The following SIDT1 variants were observed in gnomAD, a reference collection of about 807,000 sequenced individuals.
The protein encoded by SIDT1 is SID1 transmembrane family member 1.
In SIDT1, 101 loss-of-function variants were observed where a neutral mutation model predicts 107.5. The ratio of observed to expected loss-of-function variants is 0.94; its 90% CI spans 0.80 to 1.11. The LOEUF (loss-of-function observed/expected upper bound fraction) is 1.11, where lower values mean the gene tolerates loss of function less well. Among genes scored for constraint, SIDT1 ranks in the 50% least tolerant of loss-of-function variants. The probability of loss-of-function intolerance (pLI) is 0.00; values close to 1 mark genes in which losing one functional copy is unlikely to be tolerated. For missense variants in SIDT1, 1,076 were observed against 1,058.2 expected (o/e 1.02, Z -0.23); for synonymous variants, 395 against 398.2 (o/e 0.99, Z 0.10).
chr3:113,566,004 C>T (rs560711923), intron 1 of SIDT1, among the ~76,000 whole-genome samples: 10 of 152,228 alleles, frequency 6.6e-5, no homozygotes, highest in South Asian at 4.1e-4. Context: ...AAAGCACATC[C>T]GTATCCTTCT....
chr3:113,588,438 G>T (rs968325767), intron 9 of SIDT1, among the ~76,000 whole-genome samples: 1 of 152,210 alleles, frequency 6.6e-6, no homozygotes, highest in African/African-American at 2.4e-5. Flanking sequence ...CCAGTTACTT[G>T]ATGAGTCCCT....
chr3:113,552,131 C>T (rs1342770576), intron 1 of SIDT1, among the ~76,000 whole-genome samples: 2 of 152,052 alleles, frequency 1.3e-5, no homozygotes, highest in African/African-American at 4.8e-5. Flanking sequence ...ATGTTATGGG[C>T]CAAAAAGTTA....
intron 9 of SIDT1, among the ~76,000 whole-genome samples, chr3:113,587,429 A>T (rs1365046185): frequency 2.0e-5 from 3 of 149,610 alleles, no homozygotes; most frequent in African/African-American, 7.7e-5. Flanking sequence ...AGTATACATT[A>T]ACTGATTAGC....
At chr3:113,564,441 A>G (rs964725717) in intron 1 of SIDT1, among the ~76,000 whole-genome samples, 2 of 152,244 alleles carry the variant, frequency 1.3e-5, no homozygotes, top group African/African-American at 2.4e-5. Context: ...ATGAGGAATG[A>G]CAGATGAAAC....
rs149381478 is a variant in SIDT1 at position 113,594,328 on chromosome 3, T to C, written c.1045+1280T>C. Among the ~76,000 whole-genome samples, 500 of 152,340 alleles carry C rather than the reference T, an allele frequency of 3.3e-3. 2 individuals are homozygous for C. The highest frequency in any genetic ancestry group is 0.011 in the African/African-American group (469 of 41,568). On this transcript the variant is annotated intron_variant, in intron 10 of 24. Transcript: ENST00000264852. ...GCTCTCGTGGCTTTAAAGTGCTAAA[T>C]GCTCCTCTCCCTTTTAGTCGTCAGA...
intron 21 of SIDT1, among the ~76,000 whole-genome samples, chr3:113,620,466 A>G (rs1946393774): frequency 6.6e-6 from 1 of 151,890 alleles, no homozygotes; most frequent in Non-Finnish European, 1.5e-5. Context: ...TGTAGCTCCT[A>G]GATGATGAGC....
At chr3:113,563,235 T>C (rs1258884334) in intron 1 of SIDT1, among the ~76,000 whole-genome samples, 1 of 152,148 alleles carries the variant, frequency 6.6e-6, no homozygotes, top group Non-Finnish European at 1.5e-5. Flanking sequence ...AGGCGAACTT[T>C]TAAGTAAGTG....
At chr3:113,559,622 T>C (rs1254194510) in intron 1 of SIDT1, among the ~76,000 whole-genome samples, 1 of 151,938 alleles carries the variant, frequency 6.6e-6, no homozygotes, top group Non-Finnish European at 1.5e-5. Context: ...TTGTATTTTT[T>C]AAATAGAGAC....
At chr3:113,542,106 A>G (rs1054126587) in intron 1 of SIDT1, among the ~76,000 whole-genome samples, 1 of 151,450 alleles carries the variant, frequency 6.6e-6, no homozygotes, top group Non-Finnish European at 1.5e-5. Context: ...GTATTTTAGT[A>G]CAGACGGGTT....
rs200485528 is a variant in SIDT1 at position 113,603,070 on chromosome 3, G to A, written c.1183G>A (p.Asp395Asn). The change falls in exon 12 of 25, where the codon GAC becomes AAC. Residue 395 changes from aspartate (D) to asparagine (N), a missense_variant. Coordinates refer to ENST00000264852, the MANE Select transcript of SIDT1 (RefSeq NM_017699.3). ...CGATGGTGGGCCACCGGGCCAGTCA[G>A]ACACAGACAGCTCCGTGGAGGAGAG... ...SSDGGPPGQSDTDSSVEESDF... is the reference protein window; with the variant it reads ...SSDGGPPGQSNTDSSVEESDF... 31 of 1,614,142 alleles carry A rather than the reference G, an allele frequency of 1.9e-5. No homozygotes were observed. The highest frequency in any genetic ancestry group is 2.5e-5 in the Non-Finnish European group (30 of 1,180,006).
intron 1 of SIDT1, among the ~76,000 whole-genome samples, chr3:113,543,504 G>A (rs1464600589): frequency 1.3e-5 from 2 of 152,156 alleles, no homozygotes; most frequent in Non-Finnish European, 2.9e-5. Context: ...AGGTGCTGAA[G>A]CTGTTGATAA....
In SIDT1 at chr3:113,584,722, T is replaced by C. The variant is rs1943611165; in HGVS notation, c.860T>C (p.Leu287Pro). The C allele has an allele frequency of 6.2e-7, 1 of 1,600,538 alleles. No homozygotes were observed. The highest frequency in any genetic ancestry group is 8.5e-7 in the Non-Finnish European group (1 of 1,176,144). The change falls in exon 8 of 25, where the codon CTA becomes CCA. Residue 287 changes from leucine to proline, a missense_variant. Transcript: ENST00000264852. ...IQEKENQTWN[L>P]QRKKNLEVTI... ...GAAAAGGAAAACCAGACCTGGAATC[T>C]ACAGCGAAAAAAGAACCTTGAAGTG...
At chr3:113,633,260 G>C (rs73857008), downstream of SIDT1, among the ~76,000 whole-genome samples, 5 of 152,138 alleles carry the variant, frequency 3.3e-5, no homozygotes, top group African/African-American at 4.8e-5. Flanking sequence ...TCTGGTATCA[G>C]AGAAGGATGC....
At chr3:113,542,764 C>G (rs1323486548) in intron 1 of SIDT1, among the ~76,000 whole-genome samples, 2 of 152,072 alleles carry the variant, frequency 1.3e-5, no homozygotes, top group Non-Finnish European at 2.9e-5. Flanking sequence ...TCCATAGCTT[C>G]CTTCTTTCAT....
chr3:113,606,891 G>A, intron 14 of SIDT1, 150 bp from the exon 15 acceptor site: 1 of 567,864 alleles, frequency 1.8e-6, no homozygotes, highest in South Asian at 2.7e-5. Flanking sequence ...TAAGGTGGCA[G>A]ATAATGGCCC....
intron 1 of SIDT1, among the ~76,000 whole-genome samples, chr3:113,543,222 T>C (rs1220095998): frequency 6.6e-6 from 1 of 152,096 alleles, no homozygotes; most frequent in East Asian, 1.9e-4. Flanking sequence ...ATTACAGGTG[T>C]GAGCCACCAC....
chr3:113,632,305 T>G (rs540652540), downstream of SIDT1, among the ~76,000 whole-genome samples: 1 of 152,284 alleles, frequency 6.6e-6, no homozygotes, highest in East Asian at 1.9e-4. Flanking sequence ...TGACTCTAGG[T>G]CCTTGAAGCA....
At chr3:113,619,960 G>A in intron 21 of SIDT1, 1 of 442,912 alleles carries the variant, frequency 2.3e-6, no homozygotes, top group Non-Finnish European at 4.1e-6. Context: ...ATCAAAACTT[G>A]TTAAGTCTAT....
intron 3 of SIDT1, among the ~76,000 whole-genome samples, chr3:113,575,436 G>C (rs1942824090): frequency 6.6e-6 from 1 of 152,194 alleles, no homozygotes; most frequent in African/African-American, 2.4e-5. Flanking sequence ...CCCACACAAA[G>C]TGTCACAGGT....
Sources: allele counts gnomAD v4.1 joint callset (sites outside exome capture counted in the v4.1 genomes callset), GRCh38; gene constraint gnomAD v4.1.1; transcripts MANE v1.5; gene names NCBI Gene and HGNC (gene_info 2026-07-23, HGNC 2026-07-21).